The following MGLL variants were observed in gnomAD, a reference collection of about 807,000 sequenced individuals.
MGLL encodes the protein monoglyceride lipase.
Under a neutral mutation model 29.1 loss-of-function variants are expected in MGLL, and 7 were observed. The ratio of observed to expected loss-of-function variants is 0.24; its 90% CI spans 0.14 to 0.45. The LOEUF (loss-of-function observed/expected upper bound fraction) is 0.45, where lower values mean the gene tolerates loss of function less well. Among genes scored for constraint, MGLL ranks in the 20% least tolerant of loss-of-function variants. The pLI, the probability that MGLL is intolerant of heterozygous loss-of-function variation, is 0.99. For synonymous variants in MGLL, 148 were observed against 168.3 expected (o/e 0.88, Z 0.93); for missense variants, 356 against 413.6 (o/e 0.86, Z 1.21).
chr3:127,721,234 C>T, intron 4 of MGLL, 71 bp from the exon 5 acceptor site: 1 of 1,338,312 alleles, frequency 7.5e-7, no homozygotes. Context: ...TAAACATGAC[C>T]AATGCAGTCC....
intron 6 of MGLL, among the ~76,000 whole-genome samples, chr3:127,700,402 C>T (rs1027755298): frequency 2.6e-5 from 4 of 152,262 alleles, no homozygotes; most frequent in Non-Finnish European, 4.4e-5. Flanking sequence ...TTGTCTACTC[C>T]GCTTTCAGGC....
At chr3:127,746,074 G>A (rs483193) in intron 3 of MGLL, among the ~76,000 whole-genome samples, 60,213 of 151,976 alleles carry the variant, frequency 0.4, 12,224 homozygotes, top group Middle Eastern at 0.54. Flanking sequence ...GGAAGGTGGA[G>A]ATGGAAGAGA....
chr3:127,770,634 A>G (rs2076932943), intron 3 of MGLL, among the ~76,000 whole-genome samples: 9 of 152,232 alleles, frequency 5.9e-5, no homozygotes, highest in Admixed American at 5.9e-4. Context: ...GCAGCTGCAT[A>G]GAGGGAGTCC....
chr3:127,715,199 C>T (rs1428076840), intron 5 of MGLL, among the ~76,000 whole-genome samples: 1 of 152,172 alleles, frequency 6.6e-6, no homozygotes. Flanking sequence ...TTAAAGTTCC[C>T]TAGGGATCCT....
rs2107682374 is a variant in MGLL at position 127,761,497 on chromosome 3, G to C, written c.262+20292C>G. Among the ~76,000 whole-genome samples the C allele has an allele frequency of 6.6e-6, 1 of 152,376 alleles. No individual in the cohort carries two copies. Among genetic ancestry groups the C allele is most frequent in the Non-Finnish European group, 1.5e-5 (1 of 68,040 alleles). On this transcript the variant is annotated intron_variant, in intron 3 of 7. Coordinates refer to ENST00000265052, the MANE Select transcript of MGLL (RefSeq NM_007283.7). This position sits in a 1 kb window ranked among gnomAD's most constrained non-coding sequence, Gnocchi z 4.6. ...AGAACACTCAGAGACAGCAGTCAAA[G>C]AGGCCACTTCTGCACTGCCTGGACC...
At chr3:127,797,772 C>T (rs1156613859) in intron 2 of MGLL, among the ~76,000 whole-genome samples, 1 of 152,126 alleles carries the variant, frequency 6.6e-6, no homozygotes, top group Non-Finnish European at 1.5e-5. Context: ...CACTGCCCAG[C>T]TGATTTTTAT....
At chr3:127,818,612 G>A (rs2077803882) in intron 2 of MGLL, among the ~76,000 whole-genome samples, 1 of 152,108 alleles carries the variant, frequency 6.6e-6, no homozygotes, top group Non-Finnish European at 1.5e-5. Flanking sequence ...CAAAATGTAA[G>A]AATTTATCAG....
intron 2 of MGLL, among the ~76,000 whole-genome samples, chr3:127,816,041 G>A (rs1330211076): frequency 6.6e-6 from 1 of 152,228 alleles, no homozygotes; most frequent in Non-Finnish European, 1.5e-5. Flanking sequence ...GAGCCAGGCC[G>A]TCCTCACCCC....
intron 3 of MGLL, chr3:127,736,068 C>A (rs113536459): frequency 1.5e-6 from 2 of 1,298,686 alleles, no homozygotes; most frequent in African/African-American, 2.9e-5. Flanking sequence ...CTGTTGTCCT[C>A]TGTGAGATTA....
intron 3 of MGLL, among the ~76,000 whole-genome samples, chr3:127,763,251 A>C (rs1029227900): frequency 6.6e-6 from 1 of 152,224 alleles, no homozygotes; most frequent in Admixed American, 6.5e-5. Context: ...AAGGCTCCGG[A>C]GGGTACATCA....
chr3:127,815,178 C>A (rs150379340), intron 2 of MGLL, among the ~76,000 whole-genome samples: 2 of 152,170 alleles, frequency 1.3e-5, no homozygotes, highest in African/African-American at 4.8e-5. Flanking sequence ...GTAATCAGTT[C>A]GTTGGCCACT....
At chr3:127,777,239 G>T (rs1036331284) in intron 3 of MGLL, among the ~76,000 whole-genome samples, 1 of 152,202 alleles carries the variant, frequency 6.6e-6, no homozygotes, top group African/African-American at 2.4e-5. Context: ...GAGATGAAAG[G>T]AAATCCTGTG....
At chr3:127,815,856 C>T (rs1037214148) in intron 2 of MGLL, among the ~76,000 whole-genome samples, 1 of 152,244 alleles carries the variant, frequency 6.6e-6, no homozygotes, top group African/African-American at 2.4e-5. Context: ...GTCCATCCCA[C>T]CCCTTCATCA....
intron 5 of MGLL, among the ~76,000 whole-genome samples, chr3:127,719,653 G>T (rs566072577): frequency 6.6e-6 from 1 of 152,140 alleles, no homozygotes; most frequent in Non-Finnish European, 1.5e-5. Context: ...CCATAGTCAC[G>T]GGAGATGTTG....
chr3:127,740,733 G>GA, intron 3 of MGLL, among the ~76,000 whole-genome samples: 1 of 152,346 alleles, frequency 6.6e-6, no homozygotes, highest in South Asian at 2.1e-4. Flanking sequence ...GGCCTGGAAG[G>GA]AAAGCTCCCC....
chr3:127,691,971 C>T lies in MGLL; in HGVS notation c.*227G>A, dbSNP rs1190232345. 3 of 596,526 alleles carry T rather than the reference C, an allele frequency of 5.0e-6. No individual in the cohort carries two copies. The highest frequency in any genetic ancestry group is 4.1e-5 in the South Asian group (2 of 48,260). The allele number at this position is 596,526 out of a possible 1,614,324, so 37.0% of individuals were successfully genotyped here. A position where few individuals can be genotyped will look rare whatever the true frequency, so the allele number is the denominator to read the frequency against. ...TTCTTTGTGGAAAATCACCTGGGAC[C>T]TTTCTCTTTTTTTGCATAAAGTGTC... On this transcript the variant is annotated 3_prime_UTR_variant, in exon 8 of 8. Coordinates refer to ENST00000265052, the MANE Select transcript of MGLL (RefSeq NM_007283.7).
At chr3:127,752,263 A>T (rs2076573420) in intron 3 of MGLL, among the ~76,000 whole-genome samples, 1 of 151,854 alleles carries the variant, frequency 6.6e-6, no homozygotes, top group Non-Finnish European at 1.5e-5. Context: ...CTCCCAGCTA[A>T]TTTTTTTGTA....
intron 3 of MGLL, among the ~76,000 whole-genome samples, chr3:127,742,326 A>G (rs1339605922): frequency 2.0e-5 from 3 of 152,122 alleles, no homozygotes; most frequent in Non-Finnish European, 2.9e-5. Context: ...GCAGTGGCTC[A>G]TGCCTGTAAC....
At chr3:127,736,098 C>T (rs2076238014) in intron 3 of MGLL, 28 of 1,201,782 alleles carry the variant, frequency 2.3e-5, no homozygotes, top group Middle Eastern at 6.6e-4. Context: ...CCAAACAGTG[C>T]TAGTTCCATT....
Sources: allele counts gnomAD v4.1 joint callset (sites outside exome capture counted in the v4.1 genomes callset), GRCh38; gene constraint gnomAD v4.1.1; non-coding constraint Gnocchi (gnomAD v3.1); transcripts MANE v1.5; gene names NCBI Gene and HGNC (gene_info 2026-07-23, HGNC 2026-07-21).